GPNMB: variants seen among roughly 807,000 people sequenced by gnomAD.
The protein encoded by GPNMB is transmembrane glycoprotein NMB.
Under a neutral mutation model 57.3 loss-of-function variants are expected in GPNMB, and 71 were observed. That is an observed-to-expected ratio of 1.24 (90% CI 1.02 to 1.51). The LOEUF (loss-of-function observed/expected upper bound fraction) is 1.51. Among genes scored for constraint, GPNMB ranks in the 40% most tolerant of loss-of-function variants. GPNMB has a pLI of 0.00. For missense variants in GPNMB, 677 were observed against 691.9 expected (o/e 0.98, Z 0.24); for synonymous variants, 253 against 263.2 (o/e 0.96, Z 0.38).
chr7:23,257,444 G>A (rs1782808345), intron 4 of GPNMB: 1 of 328,576 alleles, frequency 3.0e-6, no homozygotes, highest in Non-Finnish European at 5.6e-6. Context: ...GGCGGAGGCG[G>A]GTGGATCACC....
chr7:23,272,855 T>A (rs892982710), intron 9 of GPNMB, among the ~76,000 whole-genome samples: 9 of 151,738 alleles, frequency 5.9e-5, no homozygotes, highest in Non-Finnish European at 1.0e-4. Context: ...TCTTTTTTTT[T>A]TTTTTTGAGG....
At chr7:23,268,576 A>T (rs780704432) in intron 8 of GPNMB, among the ~76,000 whole-genome samples, 14 of 152,236 alleles carry the variant, frequency 9.2e-5, no homozygotes, top group Non-Finnish European at 1.9e-4. Context: ...GAATATATAA[A>T]TACTATATCG....
intron 1 of GPNMB, chr7:23,248,131 C>T (rs1583810148): frequency 1.3e-5 from 2 of 152,332 alleles, no homozygotes; most frequent in East Asian, 1.9e-4. Flanking sequence ...TCCTTCAAAA[C>T]GAGGAGTTTT....
rs1274689424 is a variant in GPNMB, at chr7:23,253,412, A to C, written c.176A>C (p.Tyr59Ser). Residue 59 changes from tyrosine (Y) to serine (S), a missense_variant, in exon 2 of 11, where the codon TAC (tyrosine) becomes TCC (serine). Tyr to Ser is a moderately radical substitution (Grantham distance 144, BLOSUM62 -2). Transcript: ENST00000258733. ...SDENDWNEKL[Y>S]PVWKRGDMRW... is the part of the protein sequence containing the mutation. ...GAAAATGACTGGAATGAAAAACTCT[A>C]CCCAGTGTGGAAGCGGGGAGACATG... 38 of 1,613,802 alleles carry C rather than the reference A, an allele frequency of 2.4e-5. No individual in the cohort carries two copies. The highest frequency in any genetic ancestry group is 3.2e-5 in the Non-Finnish European group (38 of 1,179,824).
At chr7:23,254,141 C>A in intron 2 of GPNMB, 28 bp from the exon 3 acceptor site, 1 of 1,582,394 alleles carries the variant, frequency 6.3e-7, no homozygotes, top group South Asian at 1.2e-5. Context: ...GATGCTGGAT[C>A]ATCGAGCCCC....
At chr7:23,255,292 C>T (rs995142611) in intron 3 of GPNMB, among the ~76,000 whole-genome samples, 21 of 152,194 alleles carry the variant, frequency 1.4e-4, no homozygotes, top group African/African-American at 4.8e-4. Context: ...GCCGGGATTA[C>T]AGGCGTGAGC....
chr7:23,269,857 G>A, intron 8 of GPNMB, 110 bp from the exon 9 acceptor site: 2 of 742,776 alleles, frequency 2.7e-6, no homozygotes, highest in South Asian at 3.2e-5. Flanking sequence ...CAATGAGGTG[G>A]AATTCAATTT....
intron 6 of GPNMB, among the ~76,000 whole-genome samples, chr7:23,262,710 C>CT (rs1782957265): frequency 6.8e-6 from 1 of 147,386 alleles, no homozygotes; most frequent in African/African-American, 2.5e-5. Flanking sequence ...CCTCCACCTC[C>CT]TGGACTCAAG....
Position 23,260,670 on chromosome 7 carries a change from C to T in GPNMB, c.915C>T (p.Leu305=). The change falls in exon 6 of 11, where the codon CTC becomes CTT. Residue 305 remains leucine, a synonymous_variant. Transcript: ENST00000258733. ...ATACTGTGAATCACACGTATGTGCT[C>T]AATGGAACCTTCAGCCTTAACCTCA... ...TNHTVNHTYV[L]NGTFSLNLTV... 6.2e-7 allele frequency: 1 copy of T among 1,613,780 alleles called. No homozygotes were observed. Among genetic ancestry groups the T allele is most frequent in the Middle Eastern group, 1.6e-4 (1 of 6,062 alleles).
Position 23,274,373 on chromosome 7 carries a change from T to C in GPNMB, c.*149T>C. 3.3e-6 allele frequency: 2 copies of C among 614,506 alleles called. No homozygotes were observed. Among genetic ancestry groups the C allele is most frequent in the Non-Finnish European group, 5.6e-6 (2 of 356,010 alleles). 38.1% of individuals were successfully genotyped at this position (614,506 alleles called of 1,614,324 possible). ...ATTTTTTATAGGTTAAATGTCATTT[T>C]AGAGATGGGGAGAGGGATTATACTG... On this transcript the variant is annotated 3_prime_UTR_variant, in exon 11 of 11. Coordinates refer to ENST00000258733, the MANE Select transcript of GPNMB (RefSeq NM_002510.3).
At chr7:23,269,201 C>T (rs1783139375) in intron 8 of GPNMB, among the ~76,000 whole-genome samples, 1 of 152,100 alleles carries the variant, frequency 6.6e-6, no homozygotes, top group African/African-American at 2.4e-5. Context: ...GCCTGGCCAA[C>T]ATGGTGAAAC....
intron 3 of GPNMB, among the ~76,000 whole-genome samples, chr7:23,255,989 C>G (rs1282901530): frequency 2.0e-5 from 3 of 152,054 alleles, no homozygotes; most frequent in Admixed American, 6.6e-5. Context: ...TCACTGCAAC[C>G]TCCACCTCCC....
chr7:23,252,899 T>C (rs980299607), intron 1 of GPNMB, among the ~76,000 whole-genome samples: 1 of 152,182 alleles, frequency 6.6e-6, no homozygotes, highest in Non-Finnish European at 1.5e-5. Context: ...CTTGGAATCT[T>C]GAAGGCATTC....
Position 23,274,212 on chromosome 7 carries a change from A to G in GPNMB, c.1671A>G (p.Lys557=). ...CGCTACTCAAAAACCAAGAATTTAAAGGAGTTTCTTAAATTTCGACCTTGT... is the reference window on the plus strand; with the variant it reads ...CGCTACTCAAAAACCAAGAATTTAAGGGAGTTTCTTAAATTTCGACCTTGT... The part of the protein sequence containing the change: ...KDPLLKNQEF[K]GVS The change falls in exon 11 of 11, where the codon AAA becomes AAG. Residue 557 remains lysine (K), a synonymous_variant. Transcript: ENST00000258733. 1 of 1,612,898 alleles carries G rather than the reference A, an allele frequency of 6.2e-7. No homozygotes were observed. Among genetic ancestry groups the G allele is most frequent in the Non-Finnish European group, 8.5e-7 (1 of 1,179,456 alleles).
At chr7:23,256,063 G>A (rs1288367309) in intron 3 of GPNMB, among the ~76,000 whole-genome samples, 3 of 152,074 alleles carry the variant, frequency 2.0e-5, no homozygotes, top group Non-Finnish European at 4.4e-5. Flanking sequence ...CATGCAGCAT[G>A]ACTGGCTAAT....
At chr7:23,247,192 A>C in intron 1 of GPNMB, 1 of 465,774 alleles carries the variant, frequency 2.1e-6, no homozygotes, top group South Asian at 2.2e-5. Flanking sequence ...TGCAATTGCA[A>C]CCCATTCTTG....
intron 1 of GPNMB, chr7:23,247,801 C>A (rs553423983): frequency 6.6e-6 from 1 of 152,400 alleles, no homozygotes; most frequent in African/African-American, 2.4e-5. Context: ...CCCGGGAAAA[C>A]GCCTACGTTT....
chr7:23,269,563 C>T (rs1327452450), intron 8 of GPNMB, among the ~76,000 whole-genome samples: 7 of 152,336 alleles, frequency 4.6e-5, no homozygotes, highest in African/African-American at 7.2e-5. Context: ...TACACTTCTA[C>T]AGGAACCTAG....
At chr7:23,250,917 T>C (rs1164522679) in intron 1 of GPNMB, 1 of 152,234 alleles carries the variant, frequency 6.6e-6, no homozygotes, top group Non-Finnish European at 1.5e-5. Context: ...AATGAAGGGA[T>C]TTGAACTAAA....
Sources: gnomAD v4.1 joint callset for allele counts (sites outside exome capture counted in the v4.1 genomes callset) on GRCh38, gnomAD v4.1.1 for gene constraint, MANE v1.5 for transcripts, NCBI Gene and HGNC (gene_info 2026-07-23, HGNC 2026-07-21) for gene names.